LRRTM4: variants seen among roughly 807,000 people sequenced by gnomAD.
LRRTM4 encodes leucine rich repeat transmembrane neuronal 4.
LRRTM4 carries 25 observed loss-of-function variants against 47.6 expected under a neutral mutation model. The ratio of observed to expected loss-of-function variants is 0.53; its 90% confidence interval spans 0.38 to 0.73. The LOEUF (loss-of-function observed/expected upper bound fraction) is 0.73. LRRTM4 is among the 30% of genes least tolerant of loss of function. The probability of loss-of-function intolerance (pLI) is 0.00; values close to 1 mark genes in which losing one functional copy is unlikely to be tolerated. For missense variants in LRRTM4, 638 were observed against 713.4 expected, an observed-to-expected ratio of 0.89 and a Z score of 1.20; for synonymous variants, 311 against 269.5, an observed-to-expected ratio of 1.15 and a Z score of -1.51.
At chr2:76,860,495 C>A (rs955999129) in intron 3 of LRRTM4, among the ~76,000 whole-genome samples, 1 of 151,982 alleles carries the variant, frequency 6.6e-6, no homozygotes, top group Non-Finnish European at 1.5e-5. Flanking sequence ...CTATGATATT[C>A]CACCCCTTGT....
At chr2:76,799,955 A>T (rs1184026084) in intron 3 of LRRTM4, among the ~76,000 whole-genome samples, 1 of 151,526 alleles carries the variant, frequency 6.6e-6, no homozygotes. Flanking sequence ...ATAAAAGAGG[A>T]TACAAACAAA....
At chr2:77,115,101 A>C (rs1420067819) in intron 3 of LRRTM4, among the ~76,000 whole-genome samples, 2 of 152,116 alleles carry the variant, frequency 1.3e-5, no homozygotes, top group African/African-American at 2.4e-5. Flanking sequence ...CTATAGACCT[A>C]ACCCCAGGAA....
chr2:77,045,024 T>A (rs1679188264), intron 3 of LRRTM4, among the ~76,000 whole-genome samples: 1 of 151,844 alleles, frequency 6.6e-6, no homozygotes. Flanking sequence ...TTACTTACTA[T>A]GTGAGGTACC....
chr2:76,849,585 C>A (rs557745459), intron 3 of LRRTM4, among the ~76,000 whole-genome samples: 1 of 151,722 alleles, frequency 6.6e-6, no homozygotes, highest in East Asian at 1.9e-4. Context: ...CTGTAAAAGG[C>A]GACTTAAAAC....
chr2:77,442,766 G>A (rs1195303261), intron 3 of LRRTM4, among the ~76,000 whole-genome samples: 3 of 152,130 alleles, frequency 2.0e-5, no homozygotes, highest in Non-Finnish European at 4.4e-5. Flanking sequence ...TGGTGTTCAA[G>A]GCTATGTAGA....
At chr2:77,183,654 C>A (rs1397865399) in intron 3 of LRRTM4, among the ~76,000 whole-genome samples, 1 of 152,120 alleles carries the variant, frequency 6.6e-6, no homozygotes, top group South Asian at 2.1e-4. Context: ...TGGCACTATT[C>A]ACAATAGCAA....
chr2:76,918,496 T>C (rs1201821692), intron 3 of LRRTM4, among the ~76,000 whole-genome samples: 1 of 152,168 alleles, frequency 6.6e-6, no homozygotes, highest in African/African-American at 2.4e-5. Flanking sequence ...TGTCTAGGAA[T>C]ATATCTGGCT....
chr2:76,919,469 T>C (rs1674365915), intron 3 of LRRTM4, among the ~76,000 whole-genome samples: 1 of 152,134 alleles, frequency 6.6e-6, no homozygotes, highest in African/African-American at 2.4e-5. Flanking sequence ...TTCTTGAGAA[T>C]GTGTGAGGTT....
At chr2:76,895,733 G>C (rs1238369179) in intron 3 of LRRTM4, among the ~76,000 whole-genome samples, 6 of 151,986 alleles carry the variant, frequency 3.9e-5, no homozygotes, top group Admixed American at 3.9e-4. Context: ...TAAACATACT[G>C]TGAAAAATAC....
intron 3 of LRRTM4, among the ~76,000 whole-genome samples, chr2:77,006,297 G>T (rs989667394): frequency 6.6e-6 from 1 of 151,946 alleles, no homozygotes; most frequent in South Asian, 2.1e-4. Context: ...CAATAATTTC[G>T]AACCTAAGCC....
intron 3 of LRRTM4, among the ~76,000 whole-genome samples, chr2:76,754,801 C>T (rs1481029329): frequency 6.6e-6 from 1 of 152,094 alleles, no homozygotes; most frequent in Non-Finnish European, 1.5e-5. Flanking sequence ...CCTATCTAGC[C>T]ATTGCCCTGT....
At chr2:77,368,114 G>A (rs1178296890) in intron 3 of LRRTM4, among the ~76,000 whole-genome samples, 1 of 151,246 alleles carries the variant, frequency 6.6e-6, no homozygotes, top group African/African-American at 2.4e-5. Context: ...TCTTGGTGGT[G>A]GCTTAGGAAA....
At chr2:76,824,645 A>C (rs540930526) in intron 3 of LRRTM4, among the ~76,000 whole-genome samples, 35 of 148,556 alleles carry the variant, frequency 2.4e-4, no homozygotes, top group African/African-American at 9.1e-4. Context: ...ATTTGTATAT[A>C]TTTGGCTGTT....
intron 3 of LRRTM4, among the ~76,000 whole-genome samples, chr2:77,387,934 G>A (rs982731685): frequency 6.6e-6 from 1 of 151,916 alleles, no homozygotes; most frequent in Non-Finnish European, 1.5e-5. Flanking sequence ...AAATTGATCA[G>A]GATATTTAAA....
At chr2:76,903,411 C>T (rs1673711844) in intron 3 of LRRTM4, among the ~76,000 whole-genome samples, 1 of 151,944 alleles carries the variant, frequency 6.6e-6, no homozygotes, top group African/African-American at 2.4e-5. Flanking sequence ...TGGCGGGCGC[C>T]TGTAGTCCCA....
intron 3 of LRRTM4, among the ~76,000 whole-genome samples, chr2:77,086,209 A>G (rs1680706701): frequency 6.6e-6 from 1 of 152,154 alleles, no homozygotes; most frequent in Admixed American, 6.5e-5. Flanking sequence ...ACAGCCATCC[A>G]AGGAAGTAGA....
At chr2:77,490,635 A>T (rs747767272) in intron 3 of LRRTM4, among the ~76,000 whole-genome samples, 12 of 152,114 alleles carry the variant, frequency 7.9e-5, no homozygotes, top group Non-Finnish European at 1.5e-4. Flanking sequence ...AAAAAAAAAC[A>T]GCAGTCTAAG....
At chr2:76,952,802 AGT>A (rs111295894) in intron 3 of LRRTM4, among the ~76,000 whole-genome samples, 5,698 of 152,002 alleles carry the variant, frequency 0.037, 239 homozygotes, top group East Asian at 0.14. Context: ...GATGTCCGCC[AGT>A]GTGGGGGACT....
intron 3 of LRRTM4, among the ~76,000 whole-genome samples, chr2:77,053,418 T>C (rs1327500721): frequency 1.3e-5 from 2 of 152,116 alleles, no homozygotes; most frequent in African/African-American, 4.8e-5. Context: ...AAAATCAATA[T>C]ATATTATAAG....
Sources: allele counts gnomAD v4.1 joint callset (sites outside exome capture counted in the v4.1 genomes callset), GRCh38; gene constraint gnomAD v4.1.1; transcripts MANE v1.5; gene names NCBI Gene and HGNC (gene_info 2026-07-23, HGNC 2026-07-21).